WNT6: variants seen among roughly 807,000 people sequenced by gnomAD.
WNT6 encodes Wnt family member 6.
In WNT6, 27 loss-of-function variants were observed where a neutral mutation model predicts 33.1. The ratio of observed to expected loss-of-function variants is 0.82; its 90% CI spans 0.60 to 1.12. The LOEUF is 1.12. WNT6 is among the 50% of genes most tolerant of loss of function. The pLI is 0.00. For synonymous variants in WNT6, 249 were observed against 242.8 expected (o/e 1.03, Z -0.24); for missense variants, 494 against 535.3 (o/e 0.92, Z 0.76).
At chr2:218,862,230 C>T (rs963752752) in intron 1 of WNT6, among the ~76,000 whole-genome samples, 16 of 152,284 alleles carry the variant, frequency 1.1e-4, no homozygotes, top group Middle Eastern at 3.4e-3. Flanking sequence ...CCAGTGATAA[C>T]GTGTCTGACT....
chr2:218,872,502 G>A (rs1178217109), intron 3 of WNT6, among the ~76,000 whole-genome samples: 3 of 152,046 alleles, frequency 2.0e-5, no homozygotes, highest in Admixed American at 6.5e-5. Flanking sequence ...CCTCTGTAAC[G>A]AGGAGAGCCC....
chr2:218,864,117 A>G (rs1450811334), intron 1 of WNT6, among the ~76,000 whole-genome samples: 1 of 151,996 alleles, frequency 6.6e-6, no homozygotes, highest in Non-Finnish European at 1.5e-5. Context: ...GGCCTTGCCC[A>G]CCCCCAGGAA....
At chr2:218,866,093 G>T (rs1268905050) in intron 1 of WNT6, among the ~76,000 whole-genome samples, 2 of 151,836 alleles carry the variant, frequency 1.3e-5, no homozygotes, top group African/African-American at 4.8e-5. Context: ...CGGCCCAGCC[G>T]CCTCAGCAGC....
chr2:218,862,965 A>G (rs2106002047), intron 1 of WNT6, among the ~76,000 whole-genome samples: 1 of 152,328 alleles, frequency 6.6e-6, no homozygotes, highest in Admixed American at 6.5e-5. Flanking sequence ...TTGGCCTCCC[A>G]AAGTGCTGGG....
chr2:218,861,813 G>A (rs1188775548), intron 1 of WNT6, among the ~76,000 whole-genome samples: 1 of 151,818 alleles, frequency 6.6e-6, no homozygotes, highest in Non-Finnish European at 1.5e-5. Flanking sequence ...TCCTTCCATT[G>A]CCTTCTCTGC....
At chr2:218,860,755 C>T (rs963415729) in intron 1 of WNT6, among the ~76,000 whole-genome samples, 7 of 152,204 alleles carry the variant, frequency 4.6e-5, no homozygotes, top group Admixed American at 2.6e-4. Flanking sequence ...CCGGGAGATA[C>T]GGGACCGGGA....
rs977335454 is a variant in WNT6, at chr2:218,873,792, G to T, written c.1045G>T (p.Val349Leu). ...CCTGTGCCGCTTCCACTGGTGCTGC[G>T]TAGTACAGTGCCACCGCTGCCGTGT... ...NCLCRFHWCC[V>L]VQCHRCRVRK... The change falls in exon 4 of 4, where the codon GTA (valine) becomes TTA (leucine). Residue 349 changes from valine (V) to leucine (L), a missense_variant. By Grantham distance (32) the Val-to-Leu change is conservative. Coordinates refer to ENST00000233948, the MANE Select transcript of WNT6 (RefSeq NM_006522.4). The surrounding 1 kb of genome is among the most constrained non-coding windows in gnomAD (Gnocchi z 6.1). The T allele has an allele frequency of 2.5e-6, 4 of 1,574,886 alleles. No individual in the cohort carries two copies. The highest frequency in any genetic ancestry group is 3.4e-6 in the Non-Finnish European group (4 of 1,166,908).
intron 1 of WNT6, among the ~76,000 whole-genome samples, chr2:218,868,527 A>G (rs1484527808): frequency 6.6e-6 from 1 of 152,156 alleles, no homozygotes; most frequent in Non-Finnish European, 1.5e-5. Context: ...CCCCCGACTC[A>G]CAGGTGGAGC....
At position 218,873,497 on chromosome 2, in the gene WNT6, G is replaced by A; in HGVS notation, c.750G>A (p.Leu250=). 1 of 1,538,682 alleles carries A rather than the reference G, an allele frequency of 6.5e-7. No homozygotes were observed. Among genetic ancestry groups the A allele is most frequent in the Non-Finnish European group, 8.7e-7 (1 of 1,146,516 alleles). The change falls in exon 4 of 4, where the codon CTG becomes CTA. Residue 250 remains leucine, a synonymous_variant. Coordinates refer to ENST00000233948, the MANE Select transcript of WNT6 (RefSeq NM_006522.4). This position sits in a 1 kb window ranked among gnomAD's most constrained non-coding sequence, Gnocchi z 6.1. ...LPPFREVGAR[L]LERFHGASRV... ...CATTTCGCGAGGTGGGCGCGCGGCT[G>A]CTGGAGCGCTTCCACGGCGCCTCAC... is the stretch of plus-strand genomic sequence containing the variant.
intron 1 of WNT6, among the ~76,000 whole-genome samples, chr2:218,868,584 C>A (rs1193013106): frequency 6.6e-6 from 1 of 152,124 alleles, no homozygotes; most frequent in Non-Finnish European, 1.5e-5. Context: ...TCATTCCCTG[C>A]CTGATTCCCA....
intron 1 of WNT6, among the ~76,000 whole-genome samples, chr2:218,868,752 A>G (rs1390318422): frequency 6.6e-6 from 1 of 152,240 alleles, no homozygotes; most frequent in Non-Finnish European, 1.5e-5. Flanking sequence ...TACTACAGGT[A>G]TTACATGTGA....
rs1349943606 is a variant in WNT6, at chr2:218,871,281, T to G, written c.301+34T>G. Reference sequence around the variant, plus strand: ...GGGGAGGGGGCGGAAGTGGGGCTGCTTTCTCCCTGCTGTGGGACCCGAGGA... The same window carrying G: ...GGGGAGGGGGCGGAAGTGGGGCTGCGTTCTCCCTGCTGTGGGACCCGAGGA... On this transcript the variant is annotated intron_variant, in intron 2 of 3. Coordinates refer to ENST00000233948, the MANE Select transcript of WNT6 (RefSeq NM_006522.4). The surrounding 1 kb of genome is among the most constrained non-coding windows in gnomAD (Gnocchi z 6.4). 1 of 1,581,392 alleles carries G rather than the reference T, an allele frequency of 6.3e-7. No homozygotes were observed. Among genetic ancestry groups the G allele is most frequent in the African/African-American group, 1.3e-5 (1 of 74,494 alleles).
rs1437346006 is a variant in WNT6 at position 218,871,462 on chromosome 2, A to G, written c.302-23A>G. Reference sequence around the variant, plus strand: ...CAGCTGACCGCCCCAGCCCGCGCTGATTGCACCTGTCTGCATTCACAGACA... The same window carrying G: ...CAGCTGACCGCCCCAGCCCGCGCTGGTTGCACCTGTCTGCATTCACAGACA... On this transcript the variant is annotated intron_variant, in intron 2 of 3. Coordinates refer to ENST00000233948, the MANE Select transcript of WNT6 (RefSeq NM_006522.4). This position sits in a 1 kb window ranked among gnomAD's most constrained non-coding sequence, Gnocchi z 6.4. 1.3e-6 allele frequency: 2 copies of G among 1,593,472 alleles called. No individual in the cohort carries two copies. The highest frequency in any genetic ancestry group is 2.7e-5 in the African/African-American group (2 of 73,544).
chr2:218,871,263 G>T lies in WNT6; in HGVS notation c.301+16G>T. 6.3e-7 allele frequency: 1 copy of T among 1,593,378 alleles called. No individual in the cohort carries two copies. Among genetic ancestry groups the T allele is most frequent in the Non-Finnish European group, 8.6e-7 (1 of 1,166,502 alleles). On this transcript the variant is annotated intron_variant, in intron 2 of 3. Transcript: ENST00000233948. The surrounding 1 kb of genome is among the most constrained non-coding windows in gnomAD (Gnocchi z 6.4). ...CTGCAACAGGGTCAGTGTGGGGAGG[G>T]GGCGGAAGTGGGGCTGCTTTCTCCC... is the stretch of plus-strand genomic sequence containing the variant.
At position 218,873,682 on chromosome 2, in the gene WNT6, G is replaced by A. The variant is rs746435150; in HGVS notation, c.935G>A (p.Ser312Asn). The A allele has an allele frequency of 3.8e-6, 6 of 1,580,112 alleles. No individual in the cohort carries two copies. In the South Asian group the frequency reaches 6.8e-5, roughly 18 times the overall value. ...SPGTRGRACN[S>N]SAPDLSGCDL... ...GGCACGCGCGGTCGCGCCTGCAATA[G>A]CAGCGCCCCGGACCTCAGCGGCTGC... Residue 312 changes from serine (S) to asparagine (N), a missense_variant, in exon 4 of 4, where the codon AGC becomes AAC. By Grantham distance (46) the Ser-to-Asn change is conservative (BLOSUM62 1). Coordinates refer to ENST00000233948, the MANE Select transcript of WNT6 (RefSeq NM_006522.4). This position sits in a 1 kb window ranked among gnomAD's most constrained non-coding sequence, Gnocchi z 6.1.
intron 1 of WNT6, among the ~76,000 whole-genome samples, chr2:218,862,178 T>C (rs1012115758): frequency 2.6e-5 from 4 of 152,102 alleles, no homozygotes; most frequent in Admixed American, 2.6e-4. Context: ...GAGGCCTTCA[T>C]GGCCACAGCT....
chr2:218,861,731 C>G (rs1039296852), intron 1 of WNT6, among the ~76,000 whole-genome samples: 1 of 152,160 alleles, frequency 6.6e-6, no homozygotes, highest in Non-Finnish European at 1.5e-5. Flanking sequence ...TCCCCTCCCT[C>G]CCCCTCTGTC....
rs567628218 is a variant in WNT6, at chr2:218,865,237, T to G, written c.80+5120T>G. Reference sequence around the variant, plus strand: ...TGTGGAGGGGATGAGGCGAGGGCAGTGTGGTCAGGCTGGCAGGAGGGTGGC... The same window carrying G: ...TGTGGAGGGGATGAGGCGAGGGCAGGGTGGTCAGGCTGGCAGGAGGGTGGC... On this transcript the variant is annotated intron_variant, in intron 1 of 3. Coordinates refer to ENST00000233948, the MANE Select transcript of WNT6 (RefSeq NM_006522.4). 3.9e-4 allele frequency among the ~76,000 whole-genome samples: 59 copies of G among 152,300 alleles called. No individual in the cohort carries two copies. The South Asian group carries it at 4.1e-3, about 11-fold the overall frequency.
At position 218,873,970 on chromosome 2, in the gene WNT6, C is replaced by G. The variant is rs1160522713; in HGVS notation, c.*125C>G. ...CCTCTCCCTGCCAAAGCCCAACTCC[C>G]AGGGCTCTGGAAATGGTGAGGCGAG... is the stretch of plus-strand genomic sequence containing the variant. On this transcript the variant is annotated 3_prime_UTR_variant, in exon 4 of 4. Coordinates refer to ENST00000233948, the MANE Select transcript of WNT6 (RefSeq NM_006522.4). The surrounding 1 kb of genome is among the most constrained non-coding windows in gnomAD (Gnocchi z 6.1). 1 of 1,062,838 alleles carries G rather than the reference C, an allele frequency of 9.4e-7. No homozygotes were observed. The highest frequency in any genetic ancestry group is 1.3e-6 in the Non-Finnish European group (1 of 782,254). The allele number at this position is 1,062,838 out of a possible 1,614,324, so 65.8% of individuals were successfully genotyped here.
Sources: allele counts gnomAD v4.1 joint callset (sites outside exome capture counted in the v4.1 genomes callset), GRCh38; gene constraint gnomAD v4.1.1; non-coding constraint Gnocchi (gnomAD v3.1); transcripts MANE v1.5; gene names NCBI Gene and HGNC (gene_info 2026-07-23, HGNC 2026-07-21).